The following DNAH17 variants were observed in gnomAD, a reference collection of about 807,000 sequenced individuals.
DNAH17 encodes axonemal beta dynein heavy chain 17.
In DNAH17, 376 loss-of-function variants were observed where a neutral mutation model predicts 485.6. That is an observed-to-expected ratio of 0.77 (90% CI 0.71 to 0.84). The LOEUF is 0.84. Ranked by LOEUF, DNAH17 falls within the 40% of genes least tolerant of loss-of-function variation. The pLI, the probability that DNAH17 is intolerant of heterozygous loss-of-function variation, is 0.00. For missense variants in DNAH17, 6,370 were observed against 5,839.3 expected, an observed-to-expected ratio of 1.09 and a Z score of -2.96; for synonymous variants, 3,031 against 2,405.9, an observed-to-expected ratio of 1.26 and a Z score of -7.60.
At chr17:78,475,203 G>A (rs1424796226) in intron 54 of DNAH17, 75 bp downstream of exon 54, 19 of 1,515,282 alleles carry the variant, frequency 1.3e-5, no homozygotes, top group Non-Finnish European at 1.4e-5. Flanking sequence ...GCTTCATTTT[G>A]GAAAAGGGAG....
At chr17:78,467,914 A>G (rs759867906) in intron 55 of DNAH17, among the ~76,000 whole-genome samples, 17 of 152,084 alleles carry the variant, frequency 1.1e-4, no homozygotes, top group South Asian at 4.1e-4. Flanking sequence ...GCTACTCAGG[A>G]AGCTGAGGCT....
At position 78,475,385 on chromosome 17, in the gene DNAH17, C is replaced by T; in HGVS notation, c.8404G>A (p.Val2802Met). The stretch of plus-strand genomic sequence containing the variant: ...AGGCTCTGTTTGCCACTGCCGCCCA[C>T]CCCCACCAGCAGGGCATTCCCCCGG... The part of the protein sequence containing the change: ...SPRGNALLVG[V>M]GGSGKQSLSR... The change falls in exon 54 of 81, where the codon GTG becomes ATG. Residue 2802 changes from valine (V) to methionine (M), a missense_variant. Transcript: ENST00000389840. 1.2e-6 allele frequency: 2 copies of T among 1,613,946 alleles called. No homozygotes were observed. The highest frequency in any genetic ancestry group is 8.5e-7 in the Non-Finnish European group (1 of 1,179,892).
chr17:78,543,439 C>T (rs1253806887), intron 17 of DNAH17, among the ~76,000 whole-genome samples: 6 of 152,018 alleles, frequency 3.9e-5, no homozygotes, highest in Admixed American at 1.3e-4. Flanking sequence ...TACAAGCGCC[C>T]GCCACCGCGC....
intron 12 of DNAH17, 72 bp from the exon 13 acceptor site, chr17:78,561,007 T>C: frequency 7.0e-7 from 1 of 1,433,250 alleles, no homozygotes; most frequent in South Asian, 1.3e-5. Context: ...GTCCCATCGT[T>C]GCTGCCCGAT....
intron 27 of DNAH17, among the ~76,000 whole-genome samples, chr17:78,509,389 G>C (rs1481978015): frequency 6.6e-6 from 1 of 152,150 alleles, no homozygotes; most frequent in African/African-American, 2.4e-5. Flanking sequence ...AAAGTGCTGG[G>C]ATTATAGGCA....
chr17:78,481,892 G>A (rs2089363660), intron 48 of DNAH17, among the ~76,000 whole-genome samples: 1 of 151,984 alleles, frequency 6.6e-6, no homozygotes, highest in Non-Finnish European at 1.5e-5. Context: ...GCAGGCACCT[G>A]TAATCCCAGC....
intron 19 of DNAH17, among the ~76,000 whole-genome samples, chr17:78,535,984 C>T (rs752320081): frequency 6.6e-6 from 1 of 152,082 alleles, no homozygotes; most frequent in African/African-American, 2.4e-5. Context: ...CTCCCTTAAG[C>T]GGGGAGCTGA....
rs752479311 is a variant in DNAH17 at position 78,439,126 on chromosome 17, G to A, written c.11769C>T (p.Asp3923=). Residue 3923 remains aspartate (D), a synonymous_variant, in exon 73 of 81, where the codon GAC becomes GAT. Coordinates refer to ENST00000389840, the MANE Select transcript of DNAH17 (RefSeq NM_173628.4). ...CCCAGTGTCCTTTCTCTGCAGCCAC[G>A]TCCAGGGCGTTCTCAGCCACCACCT... ...GQEVVAENAL[D]VAAEKGHWVI... is the part of the protein sequence containing the mutation. The A allele has an allele frequency of 1.5e-5, 24 of 1,613,430 alleles. 1 individual carries two copies. The highest frequency in any genetic ancestry group is 3.3e-5 in the South Asian group (3 of 91,060).
chr17:78,484,481 T>C (rs796087065), intron 48 of DNAH17, among the ~76,000 whole-genome samples: 4 of 152,218 alleles, frequency 2.6e-5, no homozygotes, highest in African/African-American at 9.6e-5. Flanking sequence ...GTGACTGCAC[T>C]GGGGGTTTTC....
intron 68 of DNAH17, 36 bp downstream of exon 68, chr17:78,450,218 T>C: frequency 6.2e-7 from 1 of 1,611,484 alleles, no homozygotes; most frequent in Non-Finnish European, 8.5e-7. Flanking sequence ...CAGCCCCACC[T>C]TGAGGGAGGC....
rs2092272149 is a variant in DNAH17 at position 78,566,692 on chromosome 17, G to A, written c.1491C>T (p.Ile497=). 2 of 1,609,514 alleles carry A rather than the reference G, an allele frequency of 1.2e-6. No individual in the cohort carries two copies. The highest frequency in any genetic ancestry group is 1.7e-5 in the Admixed American group (1 of 59,398). The change falls in exon 11 of 81, where the codon ATC becomes ATT. Residue 497 remains isoleucine, a synonymous_variant. Transcript: ENST00000389840. ...TGGCCAGCCTCCTATCCAGGTCTTG[G>A]ATTTTGATCTCAAAATCAGCATAAT... is the stretch of plus-strand genomic sequence containing the variant. ...DRDYADFEIK[I]QDLDRRLATI...
intron 57 of DNAH17, among the ~76,000 whole-genome samples, chr17:78,462,175 T>C (rs1019289788): frequency 6.7e-6 from 1 of 149,474 alleles, no homozygotes; most frequent in Admixed American, 6.7e-5. Context: ...CTGTCTCAAA[T>C]GCCAAGTGAG....
chr17:78,573,326 G>A (rs973230142), intron 2 of DNAH17, among the ~76,000 whole-genome samples: 9 of 152,086 alleles, frequency 5.9e-5, no homozygotes, highest in African/African-American at 1.2e-4. Flanking sequence ...GGCTGGGGGC[G>A]GTAGCTCATA....
intron 17 of DNAH17, among the ~76,000 whole-genome samples, chr17:78,543,109 T>G (rs1401795081): frequency 1.8e-5 from 2 of 111,446 alleles, no homozygotes; most frequent in Admixed American, 8.7e-5. Flanking sequence ...GGATTAAAGA[T>G]CATAGGTTTT....
At chr17:78,441,931 A>G (rs941460842) in intron 71 of DNAH17, among the ~76,000 whole-genome samples, 5 of 152,070 alleles carry the variant, frequency 3.3e-5, no homozygotes, top group Non-Finnish European at 7.4e-5. Flanking sequence ...AAAAATACAA[A>G]AAGTAGCCAG....
At chr17:78,425,980 C>G (rs1352825502) in intron 79 of DNAH17, among the ~76,000 whole-genome samples, 1 of 152,066 alleles carries the variant, frequency 6.6e-6, no homozygotes, top group Non-Finnish European at 1.5e-5. Context: ...CCAGGCTGGT[C>G]TCGAACTCCT....
intron 11 of DNAH17, 28 bp downstream of exon 11, chr17:78,566,586 T>G: frequency 6.7e-7 from 1 of 1,496,706 alleles, no homozygotes; most frequent in African/African-American, 1.4e-5. Flanking sequence ...AGGCTCCAGA[T>G]CTGCCTGCGT....
chr17:78,568,774 C>T (rs532882164), intron 9 of DNAH17, among the ~76,000 whole-genome samples: 2 of 152,286 alleles, frequency 1.3e-5, no homozygotes, highest in South Asian at 4.1e-4. Context: ...AAGTTTTTAT[C>T]TGCTGTGCGT....
rs201414847 is a variant in DNAH17 at position 78,558,155 on chromosome 17, G to A, written c.2131C>T (p.Arg711Trp). ...ESLFSENETF[R>W]KFVGNLELIV... ...AGCTCCAGGTTGCCCACAAACTTCC[G>A]GAAAGTTTCGTTCTCTGAGAACAGA... The change falls in exon 14 of 81, where the codon CGG becomes TGG. Residue 711 changes from arginine (R) to tryptophan (W), a missense_variant. Arg to Trp is a moderately radical substitution (Grantham distance 101). Transcript: ENST00000389840. 5.0e-5 allele frequency: 81 copies of A among 1,613,628 alleles called. No homozygotes were observed. Among genetic ancestry groups the A allele is most frequent in the Admixed American group, 2.2e-4 (13 of 59,970 alleles).
Sources: allele counts gnomAD v4.1 joint callset (sites outside exome capture counted in the v4.1 genomes callset), GRCh38; gene constraint gnomAD v4.1.1; transcripts MANE v1.5; gene names NCBI Gene and HGNC (gene_info 2026-07-23, HGNC 2026-07-21).